Variants in ABCA1 observed in about 807,000 individuals in gnomAD.
The protein encoded by ABCA1 is phospholipid-transporting ATPase ABCA1.
Under a neutral mutation model 262.5 loss-of-function variants are expected in ABCA1, and 133 were observed. The ratio of observed to expected loss-of-function variants is 0.51; its 90% confidence interval spans 0.44 to 0.59. ABCA1 has a LOEUF of 0.59. Ranked by LOEUF, ABCA1 falls within the 20% of genes least tolerant of loss-of-function variation. ABCA1 has a pLI of 0.00. For synonymous variants in ABCA1, 1,022 were observed against 1,043.5 expected (o/e 0.98, Z 0.40); for missense variants, 2,452 against 2,777.5 (o/e 0.88, Z 2.63).
intron 14 of ABCA1, among the ~76,000 whole-genome samples, chr9:104,830,715 T>C (rs915938413): frequency 6.6e-6 from 1 of 151,628 alleles, no homozygotes; most frequent in Non-Finnish European, 1.5e-5. Flanking sequence ...AATAAAAAGA[T>C]AAAAGTGGCA....
In ABCA1 at chr9:104,913,826, G is replaced by C. The variant is rs188898716; in HGVS notation, c.-92-10055C>G. Among the ~76,000 whole-genome samples the C allele has an allele frequency of 2.6e-3, 396 of 152,088 alleles. 2 individuals are homozygous for C. The highest frequency in any genetic ancestry group is 0.014 in the East Asian group (72 of 5,146). On this transcript the variant is annotated intron_variant, in intron 1 of 49. Transcript: ENST00000374736. ...CTATTTATTTATTTAGATGGAGTCT[G>C]GCTCTGTCGCCCAGGCTGGAGTGCA...
chr9:104,793,412 A>C, intron 40 of ABCA1, 112 bp from the exon 41 acceptor site: 2 of 1,397,586 alleles, frequency 1.4e-6, no homozygotes, highest in Non-Finnish European at 2.0e-6. Context: ...AATAAACACA[A>C]ATGGCTATCA....
intron 5 of ABCA1, among the ~76,000 whole-genome samples, chr9:104,881,088 G>A (rs939197207): frequency 6.6e-6 from 1 of 152,160 alleles, no homozygotes; most frequent in African/African-American, 2.4e-5. Flanking sequence ...GGCAGAGGCT[G>A]CAGTGAGCCA....
chr9:104,820,005 T>C lies in ABCA1; in HGVS notation c.3025A>G (p.Lys1009Glu), dbSNP rs768921122. ...AGGGCCATCTGCTCCATCTCCGCCTTCACGTGCTTCTCAGAGAGCCCTTTC... is the reference window on the plus strand; with the variant it reads ...AGGGCCATCTGCTCCATCTCCGCCTCCACGTGCTTCTCAGAGAGCCCTTTC... ...RLKGLSEKHV[K>E]AEMEQMALDV... The change falls in exon 21 of 50, where the codon AAG becomes GAG. Residue 1009 changes from lysine to glutamate, a missense_variant. Lys to Glu is a moderately conservative substitution (Grantham distance 56, BLOSUM62 1). This residue lies in a region of ABCA1 where 665 missense variants were observed against 727.3 expected (regional missense o/e 0.91). Transcript: ENST00000374736. 6.2e-7 allele frequency: 1 copy of C among 1,614,102 alleles called. No homozygotes were observed. Among genetic ancestry groups the C allele is most frequent in the Non-Finnish European group, 8.5e-7 (1 of 1,180,018 alleles).
chr9:104,804,375 G>A (rs1274388274), intron 32 of ABCA1, among the ~76,000 whole-genome samples: 1 of 152,224 alleles, frequency 6.6e-6, no homozygotes, highest in Non-Finnish European at 1.5e-5. Flanking sequence ...GCTACTAAGT[G>A]GCAAAATTTG....
At chr9:104,796,242 C>G in intron 38 of ABCA1, 45 bp from the exon 39 acceptor site, 1 of 1,614,034 alleles carries the variant, frequency 6.2e-7, no homozygotes, top group Non-Finnish European at 8.5e-7. Context: ...AGTCCCTGCC[C>G]TCCTTCTGAC....
At chr9:104,912,729 T>A (rs979931148) in intron 1 of ABCA1, among the ~76,000 whole-genome samples, 1 of 152,170 alleles carries the variant, frequency 6.6e-6, no homozygotes, top group African/African-American at 2.4e-5. Context: ...TACCACTATT[T>A]GCCTTTTCCC....
chr9:104,922,028 G>A (rs903502255), intron 1 of ABCA1, among the ~76,000 whole-genome samples: 1 of 152,170 alleles, frequency 6.6e-6, no homozygotes, highest in Admixed American at 6.5e-5. Context: ...GGTCTTAAAG[G>A]AGGTTTGCAA....
chr9:104,818,596 C>T (rs1588290715), intron 23 of ABCA1, 67 bp downstream of exon 23: 2 of 1,458,978 alleles, frequency 1.4e-6, no homozygotes, highest in Non-Finnish European at 1.9e-6. Context: ...ATGGAGAAAT[C>T]ATTCACAGCC....
intron 1 of ABCA1, among the ~76,000 whole-genome samples, chr9:104,905,719 C>T (rs1298427382): frequency 6.6e-6 from 1 of 152,192 alleles, no homozygotes; most frequent in East Asian, 1.9e-4. Context: ...GCTTGCATTC[C>T]AGAGACACTG....
chr9:104,861,853 A>C, intron 5 of ABCA1, 53 bp from the exon 6 acceptor site: 1 of 1,565,810 alleles, frequency 6.4e-7, no homozygotes, highest in Non-Finnish European at 8.7e-7. Flanking sequence ...AAAAAAAAAA[A>C]AAAAGTGGGC....
intron 44 of ABCA1, among the ~76,000 whole-genome samples, chr9:104,789,253 C>T (rs1829201263): frequency 6.6e-6 from 1 of 152,196 alleles, no homozygotes; most frequent in Non-Finnish European, 1.5e-5. Flanking sequence ...CACAGCTATA[C>T]CAACCAAATC....
At chr9:104,813,253 A>G (rs1217801431) in intron 27 of ABCA1, among the ~76,000 whole-genome samples, 3 of 152,308 alleles carry the variant, frequency 2.0e-5, no homozygotes, top group Middle Eastern at 3.4e-3. Flanking sequence ...AGAGAACTGG[A>G]AAGTTTTCTG....
intron 7 of ABCA1, among the ~76,000 whole-genome samples, chr9:104,853,239 A>G (rs1835535315): frequency 6.6e-6 from 1 of 152,128 alleles, no homozygotes; most frequent in Admixed American, 6.5e-5. Context: ...CGTTATTGAG[A>G]TGGAGATAAA....
chr9:104,787,741 G>A, intron 46 of ABCA1, 179 bp downstream of exon 46: 1 of 782,652 alleles, frequency 1.3e-6, no homozygotes, highest in Non-Finnish European at 1.5e-6. Flanking sequence ...TGCAGGCATG[G>A]TACAGCCACC....
At position 104,796,092 on chromosome 9, in the gene ABCA1, G is replaced by A. The variant is rs751608364; in HGVS notation, c.5343C>T (p.Gly1781=). 6.2e-7 allele frequency: 1 copy of A among 1,613,326 alleles called. No homozygotes were observed. The highest frequency in any genetic ancestry group is 1.1e-5 in the South Asian group (1 of 91,042). ...TSVNLFIGIN[G]SVATFVLELF... Reference sequence around the variant, plus strand: ...GCTCCAGCACAAAGGTGGCCACGCTGCCATTAATGCCAATGAAGAGGTTCA... The same window carrying A: ...GCTCCAGCACAAAGGTGGCCACGCTACCATTAATGCCAATGAAGAGGTTCA... The change falls in exon 39 of 50, where the codon GGC becomes GGT. Residue 1781 remains glycine (G), a synonymous_variant. Transcript: ENST00000374736.
intron 22 of ABCA1, 75 bp from the exon 23 acceptor site, chr9:104,818,958 G>C (rs977804516): frequency 4.4e-6 from 6 of 1,372,818 alleles, no homozygotes; most frequent in Middle Eastern, 2.5e-4. Context: ...ACAGGGACTA[G>C]AGAGATATTA....
chr9:104,793,887 T>C (rs1829635259), intron 40 of ABCA1, among the ~76,000 whole-genome samples: 1 of 152,180 alleles, frequency 6.6e-6, no homozygotes, highest in South Asian at 2.1e-4. Flanking sequence ...ATAATAATCA[T>C]ATGGCTACCG....
intron 15 of ABCA1, among the ~76,000 whole-genome samples, chr9:104,828,049 A>C (rs1832950481): frequency 6.6e-6 from 1 of 152,224 alleles, no homozygotes; most frequent in Non-Finnish European, 1.5e-5. Context: ...CTTTATATGA[A>C]ATGCTTGCAG....
Sources: gnomAD v4.1 joint callset for allele counts (sites outside exome capture counted in the v4.1 genomes callset) on GRCh38, gnomAD v4.1.1 for gene constraint, gnomAD v4.1.1 regional missense constraint, MANE v1.5 for transcripts, NCBI Gene and HGNC (gene_info 2026-07-23, HGNC 2026-07-21) for gene names.